Variants in JMY observed in about 807,000 individuals in gnomAD.
The protein encoded by JMY is junction-mediating and -regulatory protein.
A neutral mutation model predicts 103.3 loss-of-function variants in JMY; 46 were observed. The ratio of observed to expected loss-of-function variants is 0.45; its 90% CI spans 0.35 to 0.57. The LOEUF is 0.57. Ranked by LOEUF, JMY falls within the 20% of genes least tolerant of loss-of-function variation. JMY has a pLI of 0.00. For missense variants in JMY, 1,238 were observed against 1,255.2 expected, an observed-to-expected ratio of 0.99 and a Z score of 0.21; for synonymous variants, 526 against 489.3, an observed-to-expected ratio of 1.07 and a Z score of -0.99.
At chr5:79,261,782 G>A (rs370177841) in intron 1 of JMY, among the ~76,000 whole-genome samples, 1 of 152,088 alleles carries the variant, frequency 6.6e-6, no homozygotes, top group East Asian at 1.9e-4. Flanking sequence ...GCACTACCAT[G>A]CCCGGCTAAT....
At chr5:79,283,938 G>T (rs1746193609) in intron 2 of JMY, among the ~76,000 whole-genome samples, 1 of 152,130 alleles carries the variant, frequency 6.6e-6, no homozygotes. Context: ...TCAAAAGTCA[G>T]TTAGAAACAG....
intron 2 of JMY, 100 bp downstream of exon 2, chr5:79,278,183 AAAAAG>A (rs1340279006): frequency 2.0e-6 from 2 of 1,015,130 alleles, no homozygotes; most frequent in East Asian, 2.5e-5. Flanking sequence ...AAAAAAAAAA[AAAAAG>A]AAGGTACCTG....
chr5:79,311,255 G>A lies in JMY; in HGVS notation c.1969-1148G>A, dbSNP rs888897875. Among the ~76,000 whole-genome samples, 3 of 151,636 alleles carry A rather than the reference G, an allele frequency of 2.0e-5. No individual in the cohort carries two copies. In the East Asian group the frequency reaches 5.8e-4, roughly 29 times the overall value. On this transcript the variant is annotated intron_variant, in intron 7 of 10. Transcript: ENST00000396137. ...CCTGCCTCAGCCTCCCAAAGTGCAG[G>A]GATTATAGGCATGAGCCACCACACT...
chr5:79,237,142 C>A lies in JMY; in HGVS notation c.492C>A (p.Ala164=), dbSNP rs1341498145. 1.9e-6 allele frequency: 3 copies of A among 1,547,514 alleles called. No individual in the cohort carries two copies. Among genetic ancestry groups the A allele is most frequent in the Admixed American group, 2.0e-5 (1 of 50,876 alleles). ...TSEADDAAGA[A]AAAARPAPRE... ...AAGCCGACGATGCGGCGGGGGCAGCCGCTGCAGCAGCCCGGCCGGCGCCCA... is the reference window on the plus strand; with the variant it reads ...AAGCCGACGATGCGGCGGGGGCAGCAGCTGCAGCAGCCCGGCCGGCGCCCA... The change falls in exon 1 of 11, where the codon GCC becomes GCA. Residue 164 remains alanine, a synonymous_variant. Coordinates refer to ENST00000396137, the MANE Select transcript of JMY (RefSeq NM_152405.5).
At position 79,322,123 on chromosome 5, in the gene JMY, T is replaced by TA. The variant is rs1220762403; in HGVS notation, c.*522dup. 1 of 152,190 alleles carries TA rather than the reference T, an allele frequency of 6.6e-6. No individual in the cohort carries two copies. The highest frequency in any genetic ancestry group is 1.5e-5 in the Non-Finnish European group (1 of 68,036). 9.4% of individuals were successfully genotyped at this position (152,190 alleles called of 1,614,324 possible). A position where few individuals can be genotyped will look rare whatever the true frequency, so the allele number is the denominator to read the frequency against. Reference sequence around the variant, plus strand: ...GTCAGGCATTAAAATCAAATGGAAATACACCTAAAATGTCCGCATTACTCA... The same window carrying TA: ...GTCAGGCATTAAAATCAAATGGAAATAACACCTAAAATGTCCGCATTACTCA... On this transcript the variant is annotated 3_prime_UTR_variant, in exon 11 of 11. Transcript: ENST00000396137.
chr5:79,256,001 G>C (rs1161658918), intron 1 of JMY, among the ~76,000 whole-genome samples: 1 of 152,230 alleles, frequency 6.6e-6, no homozygotes, highest in Admixed American at 6.5e-5. Context: ...CAGCCAGCCA[G>C]GCCTGTGCCC....
At chr5:79,242,035 T>C (rs141981616) in intron 1 of JMY, among the ~76,000 whole-genome samples, 1 of 152,338 alleles carries the variant, frequency 6.6e-6, no homozygotes, top group African/African-American at 2.4e-5. Context: ...TGTGGTGCTT[T>C]AGATAGTAAA....
intron 7 of JMY, among the ~76,000 whole-genome samples, chr5:79,311,247 A>C (rs1408154785): frequency 1.3e-5 from 2 of 151,826 alleles, no homozygotes; most frequent in Admixed American, 1.3e-4. Context: ...CAGCCTCCCA[A>C]AGTGCAGGGA....
chr5:79,252,161 T>G (rs1745106570), intron 1 of JMY, among the ~76,000 whole-genome samples: 1 of 152,220 alleles, frequency 6.6e-6, no homozygotes, highest in Admixed American at 6.5e-5. Flanking sequence ...TTTGGTATGT[T>G]GTGTTTCCAT....
In JMY at chr5:79,237,022, G is replaced by A; in HGVS notation, c.372G>A (p.Gly124=). 4 of 1,499,540 alleles carry A rather than the reference G, an allele frequency of 2.7e-6. No homozygotes were observed. Among genetic ancestry groups the A allele is most frequent in the Non-Finnish European group, 3.6e-6 (4 of 1,123,082 alleles). The allele number at this position is 1,499,540 out of a possible 1,614,324, so 92.9% of individuals were successfully genotyped here. The change falls in exon 1 of 11, where the codon GGG becomes GGA. Residue 124 remains glycine, a synonymous_variant. Coordinates refer to ENST00000396137, the MANE Select transcript of JMY (RefSeq NM_152405.5). ...CTCGGAGCACTCGCAGCCTTCTGGG[G>A]GACCCGCGGCTGCGGAGTCCTGGCA... ...GSPRSTRSLL[G]DPRLRSPGSK... is the part of the protein sequence containing the mutation.
At chr5:79,318,014 C>CT (rs1307977764) in intron 10 of JMY, among the ~76,000 whole-genome samples, 1 of 151,978 alleles carries the variant, frequency 6.6e-6, no homozygotes, top group East Asian at 1.9e-4. Flanking sequence ...GAAAAAAAAT[C>CT]TTTTTTTGAC....
chr5:79,245,404 G>A (rs1447980195), intron 1 of JMY, among the ~76,000 whole-genome samples: 1 of 151,980 alleles, frequency 6.6e-6, no homozygotes, highest in African/African-American at 2.4e-5. Flanking sequence ...CCACTACACT[G>A]TCTTGAGTGC....
At chr5:79,302,493 C>T (rs1346898011) in intron 6 of JMY, among the ~76,000 whole-genome samples, 1 of 152,126 alleles carries the variant, frequency 6.6e-6, no homozygotes, top group Admixed American at 6.5e-5. Context: ...GAAGAGATGA[C>T]ACTTGTACTG....
In JMY at chr5:79,290,193, C is replaced by T. The variant is rs369464808; in HGVS notation, c.1279C>T (p.Arg427Trp). The change falls in exon 3 of 11, where the codon CGG (arginine) becomes TGG (tryptophan). Residue 427 changes from arginine (R) to tryptophan (W), a missense_variant. Arg to Trp is a moderately radical substitution (Grantham distance 101). Coordinates refer to ENST00000396137, the MANE Select transcript of JMY (RefSeq NM_152405.5). The stretch of plus-strand genomic sequence containing the variant: ...ACAAAAAGAAGATGCTGATTGGCAG[C>T]GGAAAGCTCACATGGCTGTACTGTC... ...SLQKEDADWQ[R>W]KAHMAVLSIQ... 8 of 1,596,176 alleles carry T rather than the reference C, an allele frequency of 5.0e-6. No individual in the cohort carries two copies. Among genetic ancestry groups the T allele is most frequent in the East Asian group, 4.5e-5 (2 of 44,122 alleles).
At chr5:79,298,841 CTG>C (rs1746642070) in intron 4 of JMY, among the ~76,000 whole-genome samples, 1 of 152,190 alleles carries the variant, frequency 6.6e-6, no homozygotes, top group African/African-American at 2.4e-5. Context: ...TTGGGTAAGA[CTG>C]TGTAGATATA....
chr5:79,320,466 T>C (rs1041523645), intron 10 of JMY, among the ~76,000 whole-genome samples: 1 of 151,678 alleles, frequency 6.6e-6, no homozygotes, highest in African/African-American at 2.4e-5. Flanking sequence ...CGCACCACCA[T>C]GCCCAGCTAA....
intron 2 of JMY, among the ~76,000 whole-genome samples, chr5:79,282,253 C>A (rs1425619956): frequency 6.6e-6 from 1 of 151,972 alleles, no homozygotes; most frequent in Admixed American, 6.6e-5. Flanking sequence ...TGATTTTGAT[C>A]TGTACTAACA....
chr5:79,255,923 A>G (rs1446006431), intron 1 of JMY, among the ~76,000 whole-genome samples: 7 of 152,186 alleles, frequency 4.6e-5, no homozygotes, highest in Admixed American at 4.6e-4. Context: ...GCCTGCTATA[A>G]CCACTCCCTG....
intron 1 of JMY, among the ~76,000 whole-genome samples, chr5:79,276,985 C>T (rs1193190428): frequency 6.6e-6 from 1 of 152,176 alleles, no homozygotes; most frequent in Non-Finnish European, 1.5e-5. Context: ...AATCCTCTTA[C>T]TTTGGCCTTC....
Sources: gnomAD v4.1 joint callset for allele counts (sites outside exome capture counted in the v4.1 genomes callset) on GRCh38, gnomAD v4.1.1 for gene constraint, MANE v1.5 for transcripts, NCBI Gene and HGNC (gene_info 2026-07-23, HGNC 2026-07-21) for gene names.